Variants in MMRN1 observed in about 807,000 individuals in gnomAD.
The protein encoded by MMRN1 is multimerin-1.
In MMRN1, 94 loss-of-function variants were observed where a neutral mutation model predicts 100.7. The ratio of observed to expected loss-of-function variants is 0.93; its 90% CI spans 0.79 to 1.11. The LOEUF (loss-of-function observed/expected upper bound fraction) is 1.11, where lower values mean the gene tolerates loss of function less well. Among genes scored for constraint, MMRN1 ranks in the 50% least tolerant of loss-of-function variants. The probability of loss-of-function intolerance (pLI) is 0.00; values close to 1 mark genes in which losing one functional copy is unlikely to be tolerated. For synonymous variants in MMRN1, 575 were observed against 505.0 expected (o/e 1.14, Z -1.86); for missense variants, 1,606 against 1,439.1 (o/e 1.12, Z -1.88).
intron 2 of MMRN1, 80 bp downstream of exon 2, chr4:89,909,475 C>A: frequency 6.6e-7 from 1 of 1,519,770 alleles, no homozygotes; most frequent in Non-Finnish European, 9.0e-7. Flanking sequence ...GTTATTCATG[C>A]AAGGTACATA....
chr4:89,912,140 G>T, intron 3 of MMRN1, 90 bp downstream of exon 3: 1 of 913,346 alleles, frequency 1.1e-6, no homozygotes, highest in Non-Finnish European at 1.6e-6. Flanking sequence ...TTGAACCAAG[G>T]TAAATTAACA....
Position 89,936,362 on chromosome 4 carries a change from T to G in MMRN1, c.2682T>G (p.Leu894=), listed in dbSNP as rs1168816158. 6.2e-7 allele frequency: 1 copy of G among 1,611,174 alleles called. No homozygotes were observed. Among genetic ancestry groups the G allele is most frequent in the Admixed American group, 1.7e-5 (1 of 59,488 alleles). ...TTACAAATGAGAGAGATCAGGCTCT[T>G]CAACTGCAAGTATTAAATTCCAGAT... ...SVVTNERDQA[L]QLQVLNSRFK... is the part of the protein sequence containing the mutation. Residue 894 remains leucine, a synonymous_variant, in exon 6 of 8, where the codon CTT becomes CTG. Transcript: ENST00000264790.
chr4:89,908,399 G>A (rs1396799284), intron 1 of MMRN1, among the ~76,000 whole-genome samples: 1 of 151,354 alleles, frequency 6.6e-6, no homozygotes, highest in Non-Finnish European at 1.5e-5. Context: ...TATAGAATAA[G>A]CTCATTTAAC....
At chr4:89,925,508 AT>A in intron 4 of MMRN1, among the ~76,000 whole-genome samples, 1 of 147,664 alleles carries the variant, frequency 6.8e-6, no homozygotes, top group East Asian at 1.9e-4. Context: ...TTTAATATAT[AT>A]ATATATATTT....
chr4:89,884,908 G>T (rs940387292), intron 1 of MMRN1, among the ~76,000 whole-genome samples: 20 of 152,072 alleles, frequency 1.3e-4, no homozygotes, highest in Admixed American at 2.0e-4. Context: ...ATGCAATAGT[G>T]AACATAAGTT....
intron 2 of MMRN1, among the ~76,000 whole-genome samples, chr4:89,909,868 G>A (rs1307886023): frequency 1.3e-5 from 2 of 151,368 alleles, no homozygotes; most frequent in Non-Finnish European, 3.0e-5. Context: ...GCTAGGTGAA[G>A]CTTTTCTTCT....
At chr4:89,943,001 G>T (rs1409753256) in intron 6 of MMRN1, among the ~76,000 whole-genome samples, 1 of 152,100 alleles carries the variant, frequency 6.6e-6, no homozygotes, top group African/African-American at 2.4e-5. Flanking sequence ...CATGAAAATG[G>T]TGTTTGGAAA....
Position 89,884,887 on chromosome 4 carries a change from T to C in MMRN1, c.-249+5285T>C, listed in dbSNP as rs141283088. Among the ~76,000 whole-genome samples the C allele has an allele frequency of 1.0e-3, 156 of 152,304 alleles. 1 individual carries two copies. Among genetic ancestry groups the C allele is most frequent in the African/African-American group, 3.5e-3 (145 of 41,584 alleles). On this transcript the variant is annotated intron_variant, in intron 1 of 8. Coordinates refer to the MMRN1 transcript ENST00000394980. ...TTCTTTTATTCCTTATTGCATCAGC[T>C]AGGATTTTCAATGCAATAGTGAACA...
chr4:89,887,058 C>A (rs563908818), intron 1 of MMRN1, among the ~76,000 whole-genome samples: 42 of 152,196 alleles, frequency 2.8e-4, no homozygotes, highest in African/African-American at 7.9e-4. Context: ...CTCTCTACCT[C>A]CATGAGAGCA....
At chr4:89,919,255 C>T (rs968534300) in intron 3 of MMRN1, among the ~76,000 whole-genome samples, 6 of 151,014 alleles carry the variant, frequency 4.0e-5, no homozygotes, top group East Asian at 1.9e-4. Context: ...TTAACATTAT[C>T]GGATAAAGTA....
intron 3 of MMRN1, among the ~76,000 whole-genome samples, chr4:89,913,306 TTGA>T (rs1244975619): frequency 2.0e-5 from 3 of 151,384 alleles, no homozygotes; most frequent in Admixed American, 6.6e-5. Flanking sequence ...TCATTATTTC[TTGA>T]TGATTCAAGT....
At chr4:89,916,955 G>A (rs888053835) in intron 3 of MMRN1, among the ~76,000 whole-genome samples, 1 of 151,594 alleles carries the variant, frequency 6.6e-6, no homozygotes, top group Non-Finnish European at 1.5e-5. Context: ...CTCTCACCTA[G>A]GTAAATTTTT....
rs184930231 is a variant in MMRN1, at chr4:89,947,510, A to G, written c.3119-4095A>G. ...TGCTAATAAGGTTGATATGAAGTTT[A>G]AGTCATAGAGAACATGATCCCTGAC... On this transcript the variant is annotated intron_variant, in intron 6 of 7. Coordinates refer to ENST00000264790, the MANE Select transcript of MMRN1 (RefSeq NM_007351.3). Among the ~76,000 whole-genome samples the G allele has an allele frequency of 2.0e-5, 3 of 152,314 alleles. No individual in the cohort carries two copies. In the East Asian group the frequency reaches 5.8e-4, roughly 29 times the overall value.
At position 89,945,208 on chromosome 4, in the gene MMRN1, A is replaced by G. The variant is rs192857996; in HGVS notation, c.3119-6397A>G. Among the ~76,000 whole-genome samples, 15 of 152,320 alleles carry G rather than the reference A, an allele frequency of 9.8e-5. No individual in the cohort carries two copies. The East Asian group carries it at 1.9e-3, about 20-fold the overall frequency. On this transcript the variant is annotated intron_variant, in intron 6 of 7. Coordinates refer to ENST00000264790, the MANE Select transcript of MMRN1 (RefSeq NM_007351.3). ...ATTCATTTTTATTCATAAGTAGTGTATAGTATAAATATACAATTTCTTTAT... is the reference window on the plus strand; with the variant it reads ...ATTCATTTTTATTCATAAGTAGTGTGTAGTATAAATATACAATTTCTTTAT...
At chr4:89,896,913 C>G (rs1721223080) in intron 1 of MMRN1, among the ~76,000 whole-genome samples, 1 of 152,086 alleles carries the variant, frequency 6.6e-6, no homozygotes, top group South Asian at 2.1e-4. Context: ...TCCCAGCTTA[C>G]TGTAAAACAA....
At chr4:89,912,400 T>A (rs1195142703) in intron 3 of MMRN1, among the ~76,000 whole-genome samples, 3 of 151,434 alleles carry the variant, frequency 2.0e-5, no homozygotes, top group Admixed American at 6.6e-5. Flanking sequence ...TAGAAGTGAC[T>A]CAATATAAAA....
intron 5 of MMRN1, among the ~76,000 whole-genome samples, chr4:89,931,171 A>T (rs1722420545): frequency 6.6e-6 from 1 of 152,174 alleles, no homozygotes; most frequent in Admixed American, 6.6e-5. Flanking sequence ...TCATCTGGCA[A>T]CATGGATCTT....
At position 89,935,630 on chromosome 4, in the gene MMRN1, A is replaced by G; in HGVS notation, c.1950A>G (p.Gln650=). The G allele has an allele frequency of 6.2e-7, 1 of 1,613,536 alleles. No individual in the cohort carries two copies. Among genetic ancestry groups the G allele is most frequent in the South Asian group, 1.1e-5 (1 of 91,064 alleles). ...NDLTYDMEIL[Q]PLLEQGASLR... ...TGACTTATGATATGGAGATCCTTCAACCCTTGCTTGAGCAGGGAGCATCAC... is the reference window on the plus strand; with the variant it reads ...TGACTTATGATATGGAGATCCTTCAGCCCTTGCTTGAGCAGGGAGCATCAC... The change falls in exon 6 of 8, where the codon CAA becomes CAG. Residue 650 remains glutamine, a synonymous_variant. Coordinates refer to ENST00000264790, the MANE Select transcript of MMRN1 (RefSeq NM_007351.3).
At chr4:89,886,265 A>G (rs1371876676) in intron 1 of MMRN1, among the ~76,000 whole-genome samples, 1 of 152,088 alleles carries the variant, frequency 6.6e-6, no homozygotes, top group Non-Finnish European at 1.5e-5. Context: ...ATTATCATTC[A>G]GTTACACATA....
Sources: allele counts gnomAD v4.1 joint callset (sites outside exome capture counted in the v4.1 genomes callset), GRCh38; gene constraint gnomAD v4.1.1; transcripts MANE v1.5; gene names NCBI Gene and HGNC (gene_info 2026-07-23, HGNC 2026-07-21).